The following ADCY9 variants were observed in gnomAD, a reference collection of about 807,000 sequenced individuals.
The protein encoded by ADCY9 is adenylate cyclase type 9.
Under a neutral mutation model 101.5 loss-of-function variants are expected in ADCY9, and 50 were observed. That is an observed-to-expected ratio of 0.49 (90% CI 0.39 to 0.62). The LOEUF (loss-of-function observed/expected upper bound fraction) is 0.62, where lower values mean the gene tolerates loss of function less well. ADCY9 is among the 20% of genes least tolerant of loss of function. The pLI is 0.00. For synonymous variants in ADCY9, 905 were observed against 769.3 expected (o/e 1.18, Z -2.92); for missense variants, 1,662 against 1,800.4 (o/e 0.92, Z 1.39).
intron 2 of ADCY9, among the ~76,000 whole-genome samples, chr16:4,041,125 A>G (rs954606468): frequency 6.6e-6 from 1 of 152,154 alleles, no homozygotes; most frequent in Non-Finnish European, 1.5e-5. Context: ...CTTCCCAAGA[A>G]ATGGCATATT....
intron 2 of ADCY9, among the ~76,000 whole-genome samples, chr16:4,106,238 G>A (rs1051800841): frequency 3.3e-5 from 5 of 152,164 alleles, no homozygotes; most frequent in South Asian, 2.1e-4. Context: ...ATTTAGCCAC[G>A]GGTTGGCTTG....
At chr16:4,108,484 C>T (rs964355916) in intron 2 of ADCY9, among the ~76,000 whole-genome samples, 5 of 145,864 alleles carry the variant, frequency 3.4e-5, no homozygotes, top group African/African-American at 1.0e-4. Flanking sequence ...AACGATTCTC[C>T]TGCCTCAGCT....
rs765960096 is a variant in ADCY9, at chr16:4,113,830, T to C, written c.1613A>G (p.Tyr538Cys). The change falls in exon 2 of 11, where the codon TAC becomes TGC. Residue 538 changes from tyrosine to cysteine, a missense_variant. This residue lies in a region of ADCY9 where 624 missense variants were observed against 639.1 expected (regional missense o/e 0.98). Coordinates refer to ENST00000294016, the MANE Select transcript of ADCY9 (RefSeq NM_001116.4). ...KVHISEATAK[Y>C]LDDRYEMEDG... is the part of the protein sequence containing the mutation. ...TTCCATTTCGTACCGGTCATCTAAG[T>C]ATTTTGCGGTGGCCTCAGAAATGTG... 185 of 1,614,110 alleles carry C rather than the reference T, an allele frequency of 1.1e-4. No individual in the cohort carries two copies. Among genetic ancestry groups the C allele is most frequent in the Non-Finnish European group, 1.5e-4 (174 of 1,180,040 alleles).
chr16:4,090,324 A>G (rs151290157), intron 2 of ADCY9, among the ~76,000 whole-genome samples: 21 of 152,182 alleles, frequency 1.4e-4, no homozygotes, highest in Admixed American at 3.3e-4. Context: ...TAGAAACTCA[A>G]TGTGTTCCTC....
At chr16:4,063,526 T>C (rs778971978) in intron 2 of ADCY9, among the ~76,000 whole-genome samples, 34 of 152,014 alleles carry the variant, frequency 2.2e-4, no homozygotes, top group South Asian at 6.2e-4. Flanking sequence ...CTTGGTAATA[T>C]AGTGAGACCC....
intron 2 of ADCY9, among the ~76,000 whole-genome samples, chr16:4,038,192 G>A (rs2056602383): frequency 6.6e-6 from 1 of 151,738 alleles, no homozygotes. Context: ...GAGGTGGGGG[G>A]ATCGCCTGAG....
chr16:4,080,608 CT>C (rs1178760613), intron 2 of ADCY9, among the ~76,000 whole-genome samples: 3 of 151,900 alleles, frequency 2.0e-5, no homozygotes, highest in Admixed American at 2.0e-4. Context: ...GTGTTTTGAC[CT>C]TTCCATTAAT....
chr16:4,085,698 C>A (rs533472066), intron 2 of ADCY9, among the ~76,000 whole-genome samples: 1 of 152,180 alleles, frequency 6.6e-6, no homozygotes, highest in South Asian at 2.1e-4. Context: ...TGGTATCCCC[C>A]CAGCAGCCGC....
rs796278170 is a variant in ADCY9, at chr16:3,998,728, A to G, written c.1885-5218T>C. ...TGTCTCAAAAAAAAAAAAAAAAAAA[A>G]AAAAAAAGAAAAGAAAGAAAGAAAG... On this transcript the variant is annotated intron_variant, in intron 3 of 10. Transcript: ENST00000294016. Among the ~76,000 whole-genome samples, 363 of 129,894 alleles carry G rather than the reference A, an allele frequency of 2.8e-3. 6 individuals carry two copies. Among genetic ancestry groups the G allele is most frequent in the African/African-American group, 4.6e-3 (171 of 37,344 alleles). The allele number at this position is 129,894 out of a possible 152,430, so 85.2% of individuals were successfully genotyped here.
chr16:4,065,139 G>A (rs79594099), intron 2 of ADCY9, among the ~76,000 whole-genome samples: 1 of 152,150 alleles, frequency 6.6e-6, no homozygotes, highest in African/African-American at 2.4e-5. Context: ...GCTACTATTG[G>A]AAAATGCCCC....
rs749110853 is a variant in ADCY9 at position 3,977,642 on chromosome 16, G to A, written c.2680-12C>T. On this transcript the variant is annotated splice_polypyrimidine_tract_variant and intron_variant, in intron 8 of 10. Transcript: ENST00000294016. ...GTGAACACTGGGAACTGCAAGAGGC[G>A]AAGGGTTAGGACAGCCGCCCAGGGC... 3.1e-6 allele frequency: 5 copies of A among 1,612,246 alleles called. No individual in the cohort carries two copies. In the South Asian group the frequency reaches 4.4e-5, roughly 14 times the overall value.
rs761053645 is a variant in ADCY9, at chr16:4,068,658, C to CA, written c.1693+45091dup. On this transcript the variant is annotated intron_variant, in intron 2 of 10. Coordinates refer to ENST00000294016, the MANE Select transcript of ADCY9 (RefSeq NM_001116.4). ...TGAAACCCCGTCTCTACTAAAAATA[C>CA]AAAAAAAAATTAGCTGGGCATGGTG... is the stretch of plus-strand genomic sequence containing the variant. 4.2e-3 allele frequency among the ~76,000 whole-genome samples: 633 copies of CA among 150,828 alleles called. 1 individual carries two copies. The highest frequency in any genetic ancestry group is 7.8e-3 in the Non-Finnish European group (526 of 67,658).
chr16:4,006,566 T>C (rs2056368683), intron 3 of ADCY9, among the ~76,000 whole-genome samples: 1 of 152,120 alleles, frequency 6.6e-6, no homozygotes, highest in African/African-American at 2.4e-5. Flanking sequence ...CTGGCCGCCA[T>C]CCTCACACAT....
chr16:4,092,162 T>A (rs1166331974), intron 2 of ADCY9, among the ~76,000 whole-genome samples: 1 of 152,060 alleles, frequency 6.6e-6, no homozygotes, highest in African/African-American at 2.4e-5. Context: ...CACCGGTACT[T>A]GGGAGGCTGA....
At chr16:4,043,483 G>A (rs569593559) in intron 2 of ADCY9, among the ~76,000 whole-genome samples, 12 of 151,878 alleles carry the variant, frequency 7.9e-5, no homozygotes, top group Non-Finnish European at 1.5e-5. Context: ...AGACCAGCCT[G>A]GCCAACATGG....
intron 2 of ADCY9, among the ~76,000 whole-genome samples, chr16:4,094,527 G>C (rs1423016605): frequency 6.6e-6 from 1 of 152,058 alleles, no homozygotes; most frequent in Non-Finnish European, 1.5e-5. Context: ...TAAAGAAAAG[G>C]AGGCCAGGCG....
At chr16:4,082,973 C>G (rs921547104) in intron 2 of ADCY9, among the ~76,000 whole-genome samples, 7 of 152,174 alleles carry the variant, frequency 4.6e-5, no homozygotes, top group Non-Finnish European at 7.3e-5. Flanking sequence ...TACTAGATAT[C>G]ACTGTGTCAT....
At chr16:4,027,551 G>A (rs369541830) in intron 2 of ADCY9, among the ~76,000 whole-genome samples, 1 of 152,204 alleles carries the variant, frequency 6.6e-6, no homozygotes, top group African/African-American at 2.4e-5. Context: ...AGGGAAGAGA[G>A]AGAGTGTGTG....
intron 2 of ADCY9, among the ~76,000 whole-genome samples, chr16:4,063,218 G>T (rs905330671): frequency 2.6e-5 from 4 of 152,004 alleles, no homozygotes; most frequent in African/African-American, 9.7e-5. Context: ...CAACTACTTA[G>T]AAATTAGAAA....
Sources: gnomAD v4.1 joint callset for allele counts (sites outside exome capture counted in the v4.1 genomes callset) on GRCh38, gnomAD v4.1.1 for gene constraint, gnomAD v4.1.1 regional missense constraint, MANE v1.5 for transcripts, NCBI Gene and HGNC (gene_info 2026-07-23, HGNC 2026-07-21) for gene names.